The following POU6F2 variants were observed in gnomAD, a reference collection of about 807,000 sequenced individuals.
The protein encoded by POU6F2 is POU class 6 homeobox 2.
Under a neutral mutation model 71.3 loss-of-function variants are expected in POU6F2, and 31 were observed. That is an observed-to-expected ratio of 0.43 (90% CI 0.33 to 0.59). POU6F2 has a LOEUF of 0.59. POU6F2 is among the 20% of genes least tolerant of loss of function. The probability of loss-of-function intolerance (pLI) is 0.04; values close to 1 mark genes in which losing one functional copy is unlikely to be tolerated. For synonymous variants in POU6F2, 347 were observed against 355.7 expected, an observed-to-expected ratio of 0.98 and a Z score of 0.27; for missense variants, 783 against 856.8, an observed-to-expected ratio of 0.91 and a Z score of 1.07.
intron 2 of POU6F2, among the ~76,000 whole-genome samples, chr7:39,143,771 G>A (rs998224923): frequency 6.6e-6 from 1 of 152,162 alleles, no homozygotes; most frequent in Non-Finnish European, 1.5e-5. Context: ...GAGGGTAAAA[G>A]GAGGAACTTT....
In POU6F2 at chr7:39,433,201, T is replaced by A. The variant is rs1788152245; in HGVS notation, c.1238T>A (p.Ile413Asn). ...CTCACAAACGCCCAGGGCCAGATCA[T>A]CGCCACAGTCATTGGGAACCAGATC... ...QLLTNAQGQI[I>N]ATVIGNQILP... is the part of the protein sequence containing the mutation. The change falls in exon 7 of 10, where the codon ATC becomes AAC. Residue 413 changes from isoleucine (I) to asparagine (N), a missense_variant. By Grantham distance (149) the Ile-to-Asn change is moderately radical. This residue lies in a region of POU6F2 where 572 missense variants were observed against 572.9 expected (regional missense o/e 1.00). Transcript: ENST00000518318. The A allele has an allele frequency of 6.2e-7, 1 of 1,613,736 alleles. No homozygotes were observed. The highest frequency in any genetic ancestry group is 1.1e-5 in the South Asian group (1 of 91,074).
chr7:39,097,906 C>T (rs750446805), intron 2 of POU6F2, among the ~76,000 whole-genome samples: 1 of 152,174 alleles, frequency 6.6e-6, no homozygotes, highest in African/African-American at 2.4e-5. Context: ...CGAAACCATA[C>T]TTTTCAAGAG....
In POU6F2 at chr7:39,468,033, A is replaced by G. The variant is rs996410142; in HGVS notation, c.*3347A>G. 15 of 150,608 alleles carry G rather than the reference A, an allele frequency of 1.0e-4. No individual in the cohort carries two copies. Among genetic ancestry groups the G allele is most frequent in the Non-Finnish European group, 2.2e-4 (15 of 67,742 alleles). 9.3% of individuals were successfully genotyped at this position (150,608 alleles called of 1,614,324 possible). On this transcript the variant is annotated 3_prime_UTR_variant, in exon 10 of 10. Transcript: ENST00000518318. ...TTGTACCCAGTTAATGACCAAGCTT[A>G]AAAAAAAATTGAGATAAAGGAAATT...
chr7:39,065,297 G>A (rs76539892), intron 1 of POU6F2, among the ~76,000 whole-genome samples: 19 of 151,540 alleles, frequency 1.3e-4, no homozygotes, highest in African/African-American at 4.3e-4. Flanking sequence ...TTGGGTCAAA[G>A]AATAAAATAA....
chr7:39,161,067 G>A (rs919295021), intron 2 of POU6F2, among the ~76,000 whole-genome samples: 16 of 152,026 alleles, frequency 1.1e-4, no homozygotes, highest in Non-Finnish European at 2.9e-5. Context: ...AACTGTGAGA[G>A]CCCAGGAGAA....
rs147651030 is a variant in POU6F2 at position 39,251,077 on chromosome 7, A to G, written c.598+43457A>G. ...AGGGTCTAAACTTCACACATAGGCA[A>G]CATTCATTTACGTAAATCTAAACAC... On this transcript the variant is annotated intron_variant, in intron 4 of 9. Transcript: ENST00000518318. 3.0e-3 allele frequency among the ~76,000 whole-genome samples: 462 copies of G among 152,340 alleles called. 2 individuals are homozygous for G. The highest frequency in any genetic ancestry group is 4.9e-3 in the Non-Finnish European group (335 of 68,026).
chr7:39,105,055 A>G (rs143820767), intron 2 of POU6F2, among the ~76,000 whole-genome samples: 70 of 152,358 alleles, frequency 4.6e-4, no homozygotes, highest in African/African-American at 1.6e-3. Flanking sequence ...TTTTTACTCA[A>G]TAAGCATATA....
At chr7:39,451,414 T>C in intron 7 of POU6F2, 119 bp from the exon 8 acceptor site, 1 of 1,138,200 alleles carries the variant, frequency 8.8e-7, no homozygotes, top group Non-Finnish European at 1.2e-6. Flanking sequence ...GCACTCTTCC[T>C]GAGAAGTATA....
At chr7:39,238,783 A>G (rs1320308219) in intron 4 of POU6F2, among the ~76,000 whole-genome samples, 5 of 152,162 alleles carry the variant, frequency 3.3e-5, no homozygotes, top group Non-Finnish European at 5.9e-5. Context: ...ATTGGAATCA[A>G]TTCAAATGTC....
intron 4 of POU6F2, among the ~76,000 whole-genome samples, chr7:39,266,882 A>G (rs764952532): frequency 3.4e-4 from 52 of 151,988 alleles, no homozygotes; most frequent in Non-Finnish European, 3.8e-4. Context: ...GCTATTTTGT[A>G]ATATACAATA....
chr7:39,268,618 T>G (rs188425675), intron 4 of POU6F2, among the ~76,000 whole-genome samples: 1 of 152,270 alleles, frequency 6.6e-6, no homozygotes, highest in African/African-American at 2.4e-5. Context: ...GTGGCCAGCC[T>G]TGCACATGAA....
chr7:39,423,175 G>C (rs1256789479), intron 6 of POU6F2, among the ~76,000 whole-genome samples: 4 of 152,182 alleles, frequency 2.6e-5, no homozygotes, highest in Admixed American at 6.5e-5. Flanking sequence ...AGTTGCAGCA[G>C]TTTCCAGGAG....
intron 4 of POU6F2, among the ~76,000 whole-genome samples, chr7:39,248,441 C>T (rs1242668394): frequency 6.6e-6 from 1 of 152,176 alleles, no homozygotes; most frequent in Non-Finnish European, 1.5e-5. Context: ...CCCTCCTCAG[C>T]CCATCACAGA....
intron 1 of POU6F2, among the ~76,000 whole-genome samples, chr7:38,985,907 C>T (rs1788452102): frequency 6.6e-6 from 1 of 152,058 alleles, no homozygotes. Context: ...ATATATTAAT[C>T]CTCAATTCAA....
intron 2 of POU6F2, among the ~76,000 whole-genome samples, chr7:39,185,623 C>A (rs1350609076): frequency 1.3e-5 from 2 of 152,042 alleles, no homozygotes; most frequent in East Asian, 3.9e-4. Context: ...TTTCCTAGAT[C>A]CTCTTTCAGG....
chr7:39,457,104 T>C (rs554106259), intron 8 of POU6F2, among the ~76,000 whole-genome samples: 183 of 152,336 alleles, frequency 1.2e-3, no homozygotes, highest in African/African-American at 4.3e-3. Flanking sequence ...CATACGGATT[T>C]AGTTGATAGA....
Position 39,044,073 on chromosome 7 carries a change from G to T in POU6F2, c.106-41787G>T, listed in dbSNP as rs1790244869. On this transcript the variant is annotated intron_variant, in intron 1 of 9. Coordinates refer to ENST00000518318, the MANE Select transcript of POU6F2 (RefSeq NM_001370959.1). Reference sequence around the variant, plus strand: ...CAGATGCATTGAAGTAGAATCTCCTGGGCGTAGGGACTTAAAGAGTGCATT... The same window carrying T: ...CAGATGCATTGAAGTAGAATCTCCTTGGCGTAGGGACTTAAAGAGTGCATT... Among the ~76,000 whole-genome samples, 3 of 151,846 alleles carry T rather than the reference G, an allele frequency of 2.0e-5. No individual in the cohort carries two copies. In the South Asian group the frequency reaches 6.2e-4, roughly 31 times the overall value.
chr7:39,418,783 C>A (rs1787746382), intron 6 of POU6F2, among the ~76,000 whole-genome samples: 1 of 151,124 alleles, frequency 6.6e-6, no homozygotes, highest in African/African-American at 2.4e-5. Flanking sequence ...GATCTGGCTG[C>A]TTTGAAGCCC....
At chr7:39,040,401 T>C (rs1406670708) in intron 1 of POU6F2, among the ~76,000 whole-genome samples, 1 of 151,406 alleles carries the variant, frequency 6.6e-6, no homozygotes, top group East Asian at 2.0e-4. Context: ...AAGACATATT[T>C]TGTGATCTTA....
Sources: allele counts gnomAD v4.1 joint callset (sites outside exome capture counted in the v4.1 genomes callset), GRCh38; gene constraint gnomAD v4.1.1; regional missense constraint gnomAD v4.1.1; transcripts MANE v1.5; gene names NCBI Gene and HGNC (gene_info 2026-07-23, HGNC 2026-07-21).